The following ZNF407 variants were observed in gnomAD, a reference collection of about 807,000 sequenced individuals.
ZNF407 encodes the protein zinc finger protein 407.
Under a neutral mutation model 131.2 loss-of-function variants are expected in ZNF407, and 17 were observed. The ratio of observed to expected loss-of-function variants is 0.13; its 90% CI spans 0.09 to 0.19. The LOEUF (loss-of-function observed/expected upper bound fraction) is 0.19. Ranked by LOEUF, ZNF407 falls within the 10% of genes least tolerant of loss-of-function variation. ZNF407 has a pLI of 1.00. For missense variants in ZNF407, 2,681 were observed against 2,830.6 expected, an observed-to-expected ratio of 0.95 and a Z score of 1.20; for synonymous variants, 1,156 against 1,062.0, an observed-to-expected ratio of 1.09 and a Z score of -1.72.
At chr18:74,868,100 T>C (rs1258558299) in intron 4 of ZNF407, among the ~76,000 whole-genome samples, 1 of 152,244 alleles carries the variant, frequency 6.6e-6, no homozygotes, top group Non-Finnish European at 1.5e-5. Context: ...TAATGTCATC[T>C]TAAAAGTTAT....
At chr18:74,688,203 T>G (rs1159946398) in intron 3 of ZNF407, among the ~76,000 whole-genome samples, 1 of 152,220 alleles carries the variant, frequency 6.6e-6, no homozygotes, top group Non-Finnish European at 1.5e-5. Flanking sequence ...GTGATTGCCT[T>G]TGAGAACAGA....
chr18:75,056,241 T>C (rs1001934998), intron 8 of ZNF407, among the ~76,000 whole-genome samples: 8 of 152,206 alleles, frequency 5.3e-5, no homozygotes, highest in Non-Finnish European at 1.2e-4. Context: ...AGGCTAAAAA[T>C]AATTCTTAAT....
chr18:74,963,483 A>G (rs563684713), intron 8 of ZNF407, among the ~76,000 whole-genome samples: 1 of 152,300 alleles, frequency 6.6e-6, no homozygotes, highest in African/African-American at 2.4e-5. Flanking sequence ...ACCCTGATAC[A>G]TTGTTAAGAA....
At chr18:74,936,948 A>G (rs948520174) in intron 8 of ZNF407, among the ~76,000 whole-genome samples, 8 of 152,248 alleles carry the variant, frequency 5.3e-5, no homozygotes, top group African/African-American at 1.7e-4. Flanking sequence ...GTTGTAAAAC[A>G]CAGTTGAAAA....
intron 7 of ZNF407, among the ~76,000 whole-genome samples, chr18:74,916,348 G>GTGTGTA: frequency 8.3e-6 from 1 of 120,606 alleles, no homozygotes; most frequent in Admixed American, 7.9e-5. Flanking sequence ...GGGAGTGTGT[G>GTGTGTA]TGTGTGTGCG....
chr18:74,700,812 G>A (rs1004554119), intron 3 of ZNF407, among the ~76,000 whole-genome samples: 2 of 152,054 alleles, frequency 1.3e-5, no homozygotes, highest in East Asian at 3.9e-4. Context: ...GTTTGCTTCT[G>A]GAACCTGTTC....
rs575627878 is a variant in ZNF407 at position 74,813,481 on chromosome 18, AC to A, written c.4877+31981del. Among the ~76,000 whole-genome samples the A allele has an allele frequency of 1.8e-3, 273 of 151,848 alleles. 1 individual carries two copies. Among genetic ancestry groups the A allele is most frequent in the African/African-American group, 6.4e-3 (263 of 41,334 alleles). ...GCGTCACCCCCTTCACCCCACACCC[AC>A]CACCTCATCAAAGCCAGTGTCGTGG... On this transcript the variant is annotated intron_variant, in intron 4 of 8. Coordinates refer to ENST00000299687, the MANE Select transcript of ZNF407 (RefSeq NM_017757.3).
intron 8 of ZNF407, among the ~76,000 whole-genome samples, chr18:75,027,542 G>A (rs917594091): frequency 6.6e-6 from 1 of 152,170 alleles, no homozygotes; most frequent in African/African-American, 2.4e-5. Flanking sequence ...ACTTGTTAGT[G>A]GGTTGGATAT....
chr18:74,823,622 T>C (rs994616412), intron 4 of ZNF407, among the ~76,000 whole-genome samples: 3 of 152,192 alleles, frequency 2.0e-5, no homozygotes, highest in African/African-American at 7.2e-5. Flanking sequence ...AGAAGGGCAT[T>C]ACATAATGGT....
At chr18:74,707,482 G>T (rs1967653806) in intron 3 of ZNF407, among the ~76,000 whole-genome samples, 1 of 152,068 alleles carries the variant, frequency 6.6e-6, no homozygotes, top group African/African-American at 2.4e-5. Flanking sequence ...GGTTGAACAT[G>T]GCAAATCTGA....
intron 4 of ZNF407, among the ~76,000 whole-genome samples, chr18:74,862,666 C>T (rs1970953505): frequency 6.6e-6 from 1 of 152,132 alleles, no homozygotes; most frequent in Non-Finnish European, 1.5e-5. Flanking sequence ...TTGTCAGAGT[C>T]AAATCTCCCA....
In ZNF407 at chr18:74,631,345, A is replaced by G. The variant is rs1410956883; in HGVS notation, c.326A>G (p.Asp109Gly). ...GTCACAGAAGGGGGTATTGCATTAG[A>G]TGAAACAGGGAAGGAGACCTTTCTG... ...SSVTEGGIAL[D>G]ETGKETFLSD... is the part of the protein sequence containing the mutation. Residue 109 changes from aspartate to glycine, a missense_variant, in exon 2 of 9, where the codon GAT (aspartate) becomes GGT (glycine). Physicochemically the swap from Asp to Gly is moderately conservative, Grantham distance 94 (BLOSUM62 -1). Around this residue, in one of 6 missense-constraint regions of ZNF407, gnomAD observed 1,789 missense variants for 1,748.7 expected, o/e 1.02. Transcript: ENST00000299687. 1.2e-6 allele frequency: 2 copies of G among 1,614,040 alleles called. No individual in the cohort carries two copies. Among genetic ancestry groups the G allele is most frequent in the South Asian group, 1.1e-5 (1 of 91,084 alleles).
intron 8 of ZNF407, among the ~76,000 whole-genome samples, chr18:74,986,744 G>GA (rs1972656478): frequency 6.6e-6 from 1 of 152,162 alleles, no homozygotes; most frequent in Non-Finnish European, 1.5e-5. Context: ...AATATGGATT[G>GA]AAAAACACAC....
chr18:75,002,792 G>C (rs552840891), intron 8 of ZNF407, among the ~76,000 whole-genome samples: 1 of 121,116 alleles, frequency 8.3e-6, no homozygotes, highest in African/African-American at 3.2e-5. Context: ...GCAACAGAGC[G>C]AGACTCCGGC....
Position 74,954,164 on chromosome 18 carries a change from A to G in ZNF407, c.5428+33472A>G, listed in dbSNP as rs150039348. ...TAAAGGGAAAGAGGCCAGTTTCAAT[A>G]TTAATGCCAATTAGAAAAGCATTTT... is the stretch of plus-strand genomic sequence containing the variant. On this transcript the variant is annotated intron_variant, in intron 8 of 8. Transcript: ENST00000299687. Among the ~76,000 whole-genome samples the G allele has an allele frequency of 8.9e-3, 1,349 of 152,280 alleles. 21 individuals are homozygous for G. The highest frequency in any genetic ancestry group is 0.029 in the African/African-American group (1,221 of 41,558).
intron 4 of ZNF407, among the ~76,000 whole-genome samples, chr18:74,790,636 T>A (rs1037302960): frequency 6.6e-6 from 1 of 152,214 alleles, no homozygotes; most frequent in Non-Finnish European, 1.5e-5. Context: ...TATCTTTAAC[T>A]CCCAGTCATT....
chr18:75,020,972 A>G (rs539249363), intron 8 of ZNF407, among the ~76,000 whole-genome samples: 159 of 152,262 alleles, frequency 1.0e-3, no homozygotes, highest in African/African-American at 3.8e-3. Context: ...ACTGTGCTCC[A>G]GACCAGACAC....
At position 74,880,896 on chromosome 18, in the gene ZNF407, G is replaced by A. The variant is rs74627831; in HGVS notation, c.5045-140G>A. On this transcript the variant is annotated intron_variant, in intron 5 of 8. Transcript: ENST00000299687. The stretch of plus-strand genomic sequence containing the variant: ...CAGATTTTATCACAGTCAATAAACC[G>A]CAGTGGTAATTTCATTCCCATTTGA... 139 of 737,314 alleles carry A rather than the reference G, an allele frequency of 1.9e-4. No homozygotes were observed. The East Asian group carries it at 3.0e-3, about 16-fold the overall frequency. The allele number at this position is 737,314 out of a possible 1,614,324, so 45.7% of individuals were successfully genotyped here.
chr18:74,999,348 TAA>T (rs71170334), intron 8 of ZNF407, among the ~76,000 whole-genome samples: 9,601 of 60,232 alleles, frequency 0.16, 206 homozygotes, highest in Admixed American at 0.23. Flanking sequence ...TAGAGTATAA[TAA>T]AAAAAAAAAA....
Sources: allele counts gnomAD v4.1 joint callset (sites outside exome capture counted in the v4.1 genomes callset), GRCh38; gene constraint gnomAD v4.1.1; regional missense constraint gnomAD v4.1.1; transcripts MANE v1.5; gene names NCBI Gene and HGNC (gene_info 2026-07-23, HGNC 2026-07-21).